SREBF2: variants seen among roughly 807,000 people sequenced by gnomAD.
SREBF2 encodes the protein sterol regulatory element-binding protein 2.
A neutral mutation model predicts 113.1 loss-of-function variants in SREBF2; 55 were observed. The ratio of observed to expected loss-of-function variants is 0.49; its 90% CI spans 0.39 to 0.61. The LOEUF is 0.61. Among genes scored for constraint, SREBF2 ranks in the 20% least tolerant of loss-of-function variants. SREBF2 has a pLI of 0.00. For synonymous variants in SREBF2, 593 were observed against 605.7 expected, an observed-to-expected ratio of 0.98 and a Z score of 0.31; for missense variants, 1,349 against 1,487.4, an observed-to-expected ratio of 0.91 and a Z score of 1.53.
chr22:41,859,145 G>T (rs1035981182), intron 1 of SREBF2, among the ~76,000 whole-genome samples: 4 of 151,952 alleles, frequency 2.6e-5, no homozygotes, highest in Non-Finnish European at 5.9e-5. Context: ...AAAAGTGGGG[G>T]GACCTAATAA....
chr22:41,892,241 C>T (rs932928846), intron 11 of SREBF2, among the ~76,000 whole-genome samples: 1 of 152,202 alleles, frequency 6.6e-6, no homozygotes, highest in Non-Finnish European at 1.5e-5. Context: ...GTGACCCTGA[C>T]GGCTGGCCAT....
At chr22:41,877,787 C>T (rs933543039) in intron 8 of SREBF2, among the ~76,000 whole-genome samples, 155 bp from the exon 9 acceptor site, 1 of 152,168 alleles carries the variant, frequency 6.6e-6, no homozygotes, top group African/African-American at 2.4e-5. Flanking sequence ...AGAAGGGCTA[C>T]AGTCATTAGC....
chr22:41,903,953 G>C (rs1262332582), intron 17 of SREBF2, among the ~76,000 whole-genome samples: 1 of 152,204 alleles, frequency 6.6e-6, no homozygotes. Flanking sequence ...GTGGAGAAGA[G>C]GGCATGTACC....
At chr22:41,888,628 G>A (rs574231480) in intron 11 of SREBF2, among the ~76,000 whole-genome samples, 3 of 152,278 alleles carry the variant, frequency 2.0e-5, no homozygotes, top group Admixed American at 1.3e-4. Flanking sequence ...ACTTGATGCT[G>A]CTGATGGACA....
chr22:41,884,592 G>C (rs971901454), intron 10 of SREBF2, among the ~76,000 whole-genome samples: 1 of 152,202 alleles, frequency 6.6e-6, no homozygotes, highest in East Asian at 1.9e-4. Flanking sequence ...ACAACAACCT[G>C]CAATTGTGAC....
intron 1 of SREBF2, among the ~76,000 whole-genome samples, chr22:41,865,616 C>A (rs902941855): frequency 1.3e-5 from 2 of 152,272 alleles, no homozygotes; most frequent in Non-Finnish European, 2.9e-5. Flanking sequence ...CTACTTGGAA[C>A]ATGATCTAGA....
chr22:41,903,975 G>A (rs571846568), intron 17 of SREBF2, among the ~76,000 whole-genome samples: 1 of 152,344 alleles, frequency 6.6e-6, no homozygotes, highest in African/African-American at 2.4e-5. Flanking sequence ...CAGGCCTGGA[G>A]CGGCACCCCT....
At chr22:41,886,505 C>T (rs1422505825) in intron 11 of SREBF2, among the ~76,000 whole-genome samples, 15 of 152,172 alleles carry the variant, frequency 9.9e-5, no homozygotes, top group Non-Finnish European at 2.2e-4. Context: ...CAAAATACAA[C>T]ATACATGCAG....
intron 11 of SREBF2, among the ~76,000 whole-genome samples, chr22:41,887,394 C>T (rs2077309449): frequency 6.6e-6 from 1 of 152,158 alleles, no homozygotes; most frequent in Admixed American, 6.5e-5. Context: ...CTGCCCCTTC[C>T]CCCAAGCCTT....
intron 18 of SREBF2, 66 bp from the exon 19 acceptor site, chr22:41,905,374 A>G: frequency 1.4e-6 from 2 of 1,434,420 alleles, no homozygotes; most frequent in Non-Finnish European, 1.9e-6. Context: ...GAGTCCAGGT[A>G]ACGCCAAGGA....
intron 1 of SREBF2, among the ~76,000 whole-genome samples, chr22:41,860,504 G>A (rs964659474): frequency 6.6e-6 from 1 of 152,156 alleles, no homozygotes; most frequent in African/African-American, 2.4e-5. Flanking sequence ...ATGTATAGTG[G>A]TCCTTTGACC....
At chr22:41,872,055 C>A (rs1218096103) in intron 4 of SREBF2, among the ~76,000 whole-genome samples, 5 of 151,738 alleles carry the variant, frequency 3.3e-5, no homozygotes, top group Non-Finnish European at 2.9e-5. Flanking sequence ...TCGAGACCAT[C>A]CTGGCTACCA....
chr22:41,834,686 G>T (rs546397998), intron 1 of SREBF2: 1 of 152,394 alleles, frequency 6.6e-6, no homozygotes, highest in African/African-American at 2.4e-5. Context: ...CCCTTGGTTT[G>T]TCCTTGATTT....
rs753393916 is a variant in SREBF2, at chr22:41,898,758, C to A, written c.2715C>A (p.Ile905=). ...CTCATTTTACCAAAGTGGAACGCATCCCCAAGGCCCTGGAAGTGACAGAGT... is the reference window on the plus strand; with the variant it reads ...CTCATTTTACCAAAGTGGAACGCATACCCAAGGCCCTGGAAGTGACAGAGT... ...VRSHFTKVER[I]PKALEVTESP... Residue 905 remains isoleucine, a synonymous_variant, in exon 15 of 19, where the codon ATC becomes ATA. Coordinates refer to ENST00000361204, the MANE Select transcript of SREBF2 (RefSeq NM_004599.4). The A allele has an allele frequency of 1.9e-6, 3 of 1,614,098 alleles. No homozygotes were observed. The South Asian group carries it at 3.3e-5, about 18-fold the overall frequency.
chr22:41,904,823 G>A (rs757239578), intron 17 of SREBF2, 40 bp from the exon 18 acceptor site: 1 of 1,494,112 alleles, frequency 6.7e-7, no homozygotes, highest in South Asian at 1.2e-5. Flanking sequence ...GATGGGTGGG[G>A]ACCAGGGGTG....
At chr22:41,850,176 G>A (rs528233466) in intron 1 of SREBF2, among the ~76,000 whole-genome samples, 10 of 147,256 alleles carry the variant, frequency 6.8e-5, no homozygotes, top group African/African-American at 2.3e-4. Flanking sequence ...GGGGCTGGGC[G>A]CCGTGGCTTA....
At chr22:41,838,930 A>G (rs147104045) in intron 1 of SREBF2, among the ~76,000 whole-genome samples, 2 of 152,130 alleles carry the variant, frequency 1.3e-5, no homozygotes, top group African/African-American at 4.8e-5. Flanking sequence ...CTCCCTGCAG[A>G]AACCCAGTTT....
chr22:41,862,553 C>T (rs1207703066), intron 1 of SREBF2, among the ~76,000 whole-genome samples: 2 of 152,172 alleles, frequency 1.3e-5, no homozygotes, highest in African/African-American at 4.8e-5. Context: ...CCGGGCCTCC[C>T]TTTTCTGAGT....
At chr22:41,877,857 C>G (rs2077211012) in intron 8 of SREBF2, 85 bp from the exon 9 acceptor site, 1 of 1,403,386 alleles carries the variant, frequency 7.1e-7, no homozygotes, top group Non-Finnish European at 1.0e-6. Flanking sequence ...AAGACTCTTT[C>G]CTGTGATAGT....
Sources: gnomAD v4.1 joint callset for allele counts (sites outside exome capture counted in the v4.1 genomes callset) on GRCh38, gnomAD v4.1.1 for gene constraint, MANE v1.5 for transcripts, NCBI Gene and HGNC (gene_info 2026-07-23, HGNC 2026-07-21) for gene names.